Variants in HSPA4L observed in about 807,000 individuals in gnomAD.
HSPA4L encodes the protein heat shock protein family A (Hsp70) member 4 like, also known as heat shock 70 kDa protein 4L.
HSPA4L carries 48 observed loss-of-function variants against 100.3 expected under a neutral mutation model. The observed-to-expected ratio is 0.48, with a 90% confidence interval of 0.38 to 0.61. The LOEUF (loss-of-function observed/expected upper bound fraction) is 0.61. Among genes scored for constraint, HSPA4L ranks in the 20% least tolerant of loss-of-function variants. The probability of loss-of-function intolerance (pLI) is 0.00; values close to 1 mark genes in which losing one functional copy is unlikely to be tolerated. For synonymous variants in HSPA4L, 319 were observed against 328.2 expected (o/e 0.97, Z 0.30); for missense variants, 886 against 988.6 (o/e 0.90, Z 1.39).
At chr4:127,787,253 G>A (rs1214314570) in intron 1 of HSPA4L, among the ~76,000 whole-genome samples, 1 of 152,140 alleles carries the variant, frequency 6.6e-6, no homozygotes, top group Non-Finnish European at 1.5e-5. Flanking sequence ...GCCAAATCGG[G>A]GGGTTAACTG....
At chr4:127,826,484 T>C (rs998053837) in intron 16 of HSPA4L, among the ~76,000 whole-genome samples, 5 of 152,084 alleles carry the variant, frequency 3.3e-5, no homozygotes, top group Admixed American at 1.3e-4. Context: ...AATGTAGTAA[T>C]GGTATCCTGG....
chr4:127,809,545 A>G, intron 11 of HSPA4L: 1 of 756,246 alleles, frequency 1.3e-6, no homozygotes. Context: ...ATTCAGTGCT[A>G]GATGAACTGT....
chr4:127,794,125 A>C lies in HSPA4L; in HGVS notation c.156A>C (p.Ala52=). The C allele has an allele frequency of 6.2e-7, 1 of 1,610,872 alleles. No homozygotes were observed. The highest frequency in any genetic ancestry group is 2.2e-5 in the East Asian group (1 of 44,696). The part of the protein sequence containing the change: ...GSRTRAIGNA[A]KSQIVTNVRN... ...GAACTCGAGCCATTGGAAATGCAGC[A>C]AAGAGCCAGGTAAATTGTTAATGTG... The change falls in exon 2 of 19, where the codon GCA becomes GCC. Residue 52 remains alanine, a synonymous_variant. Coordinates refer to ENST00000296464, the MANE Select transcript of HSPA4L (RefSeq NM_014278.4).
chr4:127,824,912 G>A (rs923995267), intron 16 of HSPA4L, among the ~76,000 whole-genome samples: 6 of 152,092 alleles, frequency 3.9e-5, no homozygotes, highest in Admixed American at 1.3e-4. Context: ...CGAGGCGGGC[G>A]GATCACAAAG....
intron 12 of HSPA4L, chr4:127,812,919 C>T (rs952025197): frequency 2.4e-6 from 2 of 838,298 alleles, no homozygotes; most frequent in Non-Finnish European, 4.0e-6. Flanking sequence ...GCTTAATGTG[C>T]TCAATACGCA....
chr4:127,806,466 C>T (rs1329754089), intron 10 of HSPA4L, among the ~76,000 whole-genome samples: 1 of 151,886 alleles, frequency 6.6e-6, no homozygotes, highest in Admixed American at 6.6e-5. Context: ...GCAAATTATT[C>T]ACTAAAAGGA....
intron 12 of HSPA4L, chr4:127,812,623 GA>G: frequency 3.1e-6 from 2 of 647,832 alleles, no homozygotes; most frequent in South Asian, 3.5e-5. Flanking sequence ...ATTACAATTG[GA>G]AGTCTGCCCT....
intron 18 of HSPA4L, 109 bp from the exon 19 acceptor site, chr4:127,832,574 A>C (rs1219634160): frequency 2.1e-6 from 2 of 972,618 alleles, no homozygotes; most frequent in African/African-American, 1.6e-5. Flanking sequence ...GAGCAAATTC[A>C]GAAAGGGGGA....
In HSPA4L at chr4:127,833,723, T is replaced by G. The variant is rs949087575; in HGVS notation, c.*849T>G. ...CCTTGTTTCAGTTATAATAGTTGTC[T>G]TGTTTTTTTCTTAATTGATTTTGTT... On this transcript the variant is annotated 3_prime_UTR_variant, in exon 19 of 19. Coordinates refer to ENST00000296464, the MANE Select transcript of HSPA4L (RefSeq NM_014278.4). 2.0e-5 allele frequency: 3 copies of G among 152,188 alleles called. No homozygotes were observed. Among genetic ancestry groups the G allele is most frequent in the African/African-American group, 7.2e-5 (3 of 41,456 alleles). The allele number at this position is 152,188 out of a possible 1,614,324, so 9.4% of individuals were successfully genotyped here.
rs1044458090 is a variant in HSPA4L at position 127,836,923 on chromosome 4, G to C, written c.*4049G>C. 1 of 151,934 alleles carries C rather than the reference G, an allele frequency of 6.6e-6. No homozygotes were observed. Among genetic ancestry groups the C allele is most frequent in the Non-Finnish European group, 1.5e-5 (1 of 67,972 alleles). 9.4% of individuals were successfully genotyped at this position (151,934 alleles called of 1,614,324 possible). ...TTATTGGTAAAATATAACTTTCTCAGTTTTTAAAAGTTTACAAAATTTTTT... is the reference window on the plus strand; with the variant it reads ...TTATTGGTAAAATATAACTTTCTCACTTTTTAAAAGTTTACAAAATTTTTT... On this transcript the variant is annotated 3_prime_UTR_variant, in exon 19 of 19. Transcript: ENST00000296464.
chr4:127,810,663 T>G (rs1375086538), intron 11 of HSPA4L, among the ~76,000 whole-genome samples: 1 of 151,792 alleles, frequency 6.6e-6, no homozygotes, highest in Non-Finnish European at 1.5e-5. Context: ...AACGCTGAGG[T>G]GGGAGGATTG....
At chr4:127,797,018 A>G (rs1273159007) in intron 3 of HSPA4L, among the ~76,000 whole-genome samples, 2 of 152,198 alleles carry the variant, frequency 1.3e-5, no homozygotes, top group African/African-American at 4.8e-5. Context: ...TGTTATGGAT[A>G]TGTACACAGT....
At chr4:127,823,980 G>A (rs1733881492) in intron 16 of HSPA4L, among the ~76,000 whole-genome samples, 1 of 152,142 alleles carries the variant, frequency 6.6e-6, no homozygotes, top group African/African-American at 2.4e-5. Flanking sequence ...TAATTCAAAT[G>A]TTGTGTCCTT....
chr4:127,815,491 C>CA (rs752477051), intron 12 of HSPA4L, among the ~76,000 whole-genome samples: 2,782 of 111,014 alleles, frequency 0.025, 55 homozygotes, highest in African/African-American at 0.071. Context: ...ACATAGTCTG[C>CA]AAAAAAAAAA....
Position 127,833,244 on chromosome 4 carries a change from T to C in HSPA4L, c.*370T>C, listed in dbSNP as rs1271614662. 5 of 163,662 alleles carry C rather than the reference T, an allele frequency of 3.1e-5. No homozygotes were observed. Among genetic ancestry groups the C allele is most frequent in the Admixed American group, 6.4e-5 (1 of 15,584 alleles). The allele number at this position is 163,662 out of a possible 1,614,324, so 10.1% of individuals were successfully genotyped here. ...TGCATTATTGTTGCAGAAGCATAGA[T>C]TTAATTGCATCTTTATTTTGAAAAA... On this transcript the variant is annotated 3_prime_UTR_variant, in exon 19 of 19. Coordinates refer to ENST00000296464, the MANE Select transcript of HSPA4L (RefSeq NM_014278.4).
chr4:127,796,187 G>C (rs1250275190), intron 3 of HSPA4L, among the ~76,000 whole-genome samples: 1 of 152,036 alleles, frequency 6.6e-6, no homozygotes, highest in African/African-American at 2.4e-5. Context: ...GGATTCAGAA[G>C]AATAGACCCA....
rs1734152577 is a variant in HSPA4L, at chr4:127,834,118, T to G, written c.*1244T>G. ...ATCTGTGCTTCATCACCCAACTTGTTCACATTGTTAATTTCTGTCCAGAGA... is the reference window on the plus strand; with the variant it reads ...ATCTGTGCTTCATCACCCAACTTGTGCACATTGTTAATTTCTGTCCAGAGA... On this transcript the variant is annotated 3_prime_UTR_variant, in exon 19 of 19. Transcript: ENST00000296464. 6.6e-6 allele frequency: 1 copy of G among 152,208 alleles called. No individual in the cohort carries two copies. Among genetic ancestry groups the G allele is most frequent in the Non-Finnish European group, 1.5e-5 (1 of 68,016 alleles). 9.4% of individuals were successfully genotyped at this position (152,208 alleles called of 1,614,324 possible). A position where few individuals can be genotyped will look rare whatever the true frequency, so the allele number is the denominator to read the frequency against.
rs534399937 is a variant in HSPA4L at position 127,822,112 on chromosome 4, A to G, written c.1813-657A>G. Among the ~76,000 whole-genome samples the G allele has an allele frequency of 7.9e-5, 12 of 152,286 alleles. No homozygotes were observed. The South Asian group carries it at 2.5e-3, about 32-fold the overall frequency. On this transcript the variant is annotated intron_variant, in intron 14 of 18. Transcript: ENST00000296464. Reference sequence around the variant, plus strand: ...ATTACATTCACCATACTGTGCATCCATCACCACTGTCTATTTTCAAAACAA... The same window carrying G: ...ATTACATTCACCATACTGTGCATCCGTCACCACTGTCTATTTTCAAAACAA...
In HSPA4L at chr4:127,785,850, A is replaced by C. The variant is rs913160689; in HGVS notation, c.107+3193A>C. Among the ~76,000 whole-genome samples, 45 of 152,354 alleles carry C rather than the reference A, an allele frequency of 3.0e-4. 1 individual carries two copies. Among genetic ancestry groups the C allele is most frequent in the African/African-American group, 9.6e-4 (40 of 41,574 alleles). ...AGCCTAATAATTCAGGTTGTTTATG[A>C]TACTTTGTAAACAGTGTTGCAATAA... On this transcript the variant is annotated intron_variant, in intron 1 of 18. Coordinates refer to ENST00000296464, the MANE Select transcript of HSPA4L (RefSeq NM_014278.4).
Sources: allele counts gnomAD v4.1 joint callset (sites outside exome capture counted in the v4.1 genomes callset), GRCh38; gene constraint gnomAD v4.1.1; transcripts MANE v1.5; gene names NCBI Gene and HGNC (gene_info 2026-07-23, HGNC 2026-07-21).